VWC2L: variants seen among roughly 807,000 people sequenced by gnomAD.
VWC2L encodes the protein von Willebrand factor C domain-containing protein 2-like.
A neutral mutation model predicts 21.6 loss-of-function variants in VWC2L; 10 were observed. The ratio of observed to expected loss-of-function variants is 0.46; its 90% CI spans 0.29 to 0.78. The LOEUF (loss-of-function observed/expected upper bound fraction) is 0.78. Ranked by LOEUF, VWC2L falls within the 30% of genes least tolerant of loss-of-function variation. The pLI is 0.10. For missense variants in VWC2L, 209 were observed against 277.1 expected (o/e 0.75, Z 1.74); for synonymous variants, 96 against 94.3 (o/e 1.02, Z -0.10).
At chr2:214,479,824 G>A (rs192008655) in intron 3 of VWC2L, among the ~76,000 whole-genome samples, 62 of 152,262 alleles carry the variant, frequency 4.1e-4, no homozygotes, top group African/African-American at 1.4e-3. Context: ...AGAGCAAGAA[G>A]AAAGAACATT....
At chr2:214,477,750 T>C (rs947333303) in intron 3 of VWC2L, among the ~76,000 whole-genome samples, 1 of 152,258 alleles carries the variant, frequency 6.6e-6, no homozygotes, top group Non-Finnish European at 1.5e-5. Flanking sequence ...TTATGCTGAA[T>C]ATATTATACA....
chr2:214,414,301 G>T lies in VWC2L; in HGVS notation c.108G>T (p.Gln36His). ...ACTATCCTGCTGATGAAGGTGACCAGATCTCCAGTAATGACAATCTGATCT... is the reference window on the plus strand; with the variant it reads ...ACTATCCTGCTGATGAAGGTGACCATATCTCCAGTAATGACAATCTGATCT... Reference protein sequence around the residue: ...HEDYPADEGDQISSNDNLIFD... With the variant: ...HEDYPADEGDHISSNDNLIFD... The change falls in exon 2 of 4, where the codon CAG becomes CAT. Residue 36 changes from glutamine to histidine, a missense_variant. By Grantham distance (24) the Gln-to-His change is conservative. Coordinates refer to ENST00000312504, the MANE Select transcript of VWC2L (RefSeq NM_001080500.4). The T allele has an allele frequency of 6.2e-7, 1 of 1,613,872 alleles. No individual in the cohort carries two copies. The highest frequency in any genetic ancestry group is 2.2e-5 in the East Asian group (1 of 44,872).
chr2:214,558,755 G>C (rs1273983609), intron 3 of VWC2L, among the ~76,000 whole-genome samples: 1 of 150,816 alleles, frequency 6.6e-6, no homozygotes, highest in East Asian at 1.9e-4. Flanking sequence ...AAAGTAAATT[G>C]GTTATGTCGT....
chr2:214,521,714 A>G (rs1689243562), intron 3 of VWC2L, among the ~76,000 whole-genome samples: 2 of 152,238 alleles, frequency 1.3e-5, no homozygotes, highest in Admixed American at 1.3e-4. Flanking sequence ...CAGCATCATT[A>G]ACTGGAGTAA....
At position 214,576,880 on chromosome 2, in the gene VWC2L, C is replaced by G. The variant is rs1471882207; in HGVS notation, c.*1060C>G. ...TGTCTGAAACACAGATTCAGGACACCCTTTCCACCTCAAGTGCTGATTTAA... is the reference window on the plus strand; with the variant it reads ...TGTCTGAAACACAGATTCAGGACACGCTTTCCACCTCAAGTGCTGATTTAA... On this transcript the variant is annotated 3_prime_UTR_variant, in exon 4 of 4. Transcript: ENST00000312504. The G allele has an allele frequency of 6.9e-6, 1 of 145,976 alleles. No individual in the cohort carries two copies. The highest frequency in any genetic ancestry group is 1.5e-5 in the Non-Finnish European group (1 of 67,242). The allele number at this position is 145,976 out of a possible 1,614,324, so 9.0% of individuals were successfully genotyped here.
At chr2:214,447,520 G>A (rs2126183203) in intron 3 of VWC2L, among the ~76,000 whole-genome samples, 1 of 152,166 alleles carries the variant, frequency 6.6e-6, no homozygotes, top group East Asian at 1.9e-4. Flanking sequence ...AGCTTTTCAG[G>A]GAGTTGGAAT....
rs190673935 is a variant in VWC2L, at chr2:214,504,658, G to A, written c.520+67900G>A. Among the ~76,000 whole-genome samples, 3 of 152,294 alleles carry A rather than the reference G, an allele frequency of 2.0e-5. No homozygotes were observed. In the East Asian group the frequency reaches 5.8e-4, roughly 29 times the overall value. On this transcript the variant is annotated intron_variant, in intron 3 of 3. Transcript: ENST00000312504. ...TGTCTTCCCTAGGAAAGCCCATGAC[G>A]TGGCCCGCAGCATGAACTGGCATTA...
At chr2:214,513,512 C>A (rs76527888) in intron 3 of VWC2L, among the ~76,000 whole-genome samples, 4,155 of 152,120 alleles carry the variant, frequency 0.027, 222 homozygotes, top group African/African-American at 0.093. Flanking sequence ...TGCAAACATT[C>A]GTAACGTGGC....
At chr2:214,474,165 G>T (rs2126194302) in intron 3 of VWC2L, among the ~76,000 whole-genome samples, 1 of 151,696 alleles carries the variant, frequency 6.6e-6, no homozygotes, top group South Asian at 2.1e-4. Context: ...GAAAAAAAAA[G>T]GAAGAAAATA....
intron 3 of VWC2L, among the ~76,000 whole-genome samples, chr2:214,538,648 GTATATATAAAATA>G (rs1689578544): frequency 7.1e-6 from 1 of 141,300 alleles, no homozygotes; most frequent in Admixed American, 7.3e-5. Context: ...GTACATTATA[GTATATATAAAATA>G]TATAATTTAG....
intron 2 of VWC2L, among the ~76,000 whole-genome samples, chr2:214,432,952 G>A (rs989902878): frequency 1.3e-5 from 2 of 151,408 alleles, no homozygotes; most frequent in Non-Finnish European, 2.9e-5. Flanking sequence ...AACCCAGGAG[G>A]CAGAGGTTGC....
rs190346438 is a variant in VWC2L, at chr2:214,561,855, T to G, written c.521-13817T>G. Among the ~76,000 whole-genome samples, 689 of 149,328 alleles carry G rather than the reference T, an allele frequency of 4.6e-3. 5 individuals carry two copies. The highest frequency in any genetic ancestry group is 8.3e-3 in the Admixed American group (125 of 14,976). On this transcript the variant is annotated intron_variant, in intron 3 of 3. Transcript: ENST00000312504. Reference sequence around the variant, plus strand: ...ATATATATAATTTTTCATATAATTTTATGTATATATCTAAATTTAATATAT... The same window carrying G: ...ATATATATAATTTTTCATATAATTTGATGTATATATCTAAATTTAATATAT...
intron 3 of VWC2L, among the ~76,000 whole-genome samples, chr2:214,472,785 A>T (rs1703329062): frequency 6.6e-6 from 1 of 152,198 alleles, no homozygotes; most frequent in Admixed American, 6.5e-5. Context: ...TTTGTTTAGA[A>T]ATTAGAGCCA....
At chr2:214,478,779 C>T (rs563982261) in intron 3 of VWC2L, among the ~76,000 whole-genome samples, 7 of 152,284 alleles carry the variant, frequency 4.6e-5, no homozygotes, top group South Asian at 4.1e-4. Context: ...CAGCAGCTGT[C>T]GTGGTTCTGC....
At chr2:214,522,208 T>C (rs1221453836) in intron 3 of VWC2L, among the ~76,000 whole-genome samples, 2 of 151,906 alleles carry the variant, frequency 1.3e-5, no homozygotes, top group South Asian at 2.1e-4. Flanking sequence ...ACCCCGTCTC[T>C]ACTAAAAATA....
intron 2 of VWC2L, among the ~76,000 whole-genome samples, chr2:214,424,417 C>T (rs1702492096): frequency 6.6e-6 from 1 of 152,138 alleles, no homozygotes; most frequent in Admixed American, 6.5e-5. Flanking sequence ...CAGCTGAGAG[C>T]TCAAAAGTGT....
chr2:214,573,687 C>A (rs1236317152), intron 3 of VWC2L, among the ~76,000 whole-genome samples: 5 of 152,156 alleles, frequency 3.3e-5, no homozygotes, highest in South Asian at 2.1e-4. Flanking sequence ...GTTCTGAGTC[C>A]AGAACAAATT....
intron 3 of VWC2L, among the ~76,000 whole-genome samples, chr2:214,530,790 C>T (rs778225593): frequency 2.2e-4 from 33 of 152,064 alleles, no homozygotes; most frequent in Non-Finnish European, 3.8e-4. Flanking sequence ...AAATTTATGC[C>T]CACTCATAAG....
rs545510130 is a variant in VWC2L at position 214,560,078 on chromosome 2, AT to A, written c.521-15590del. Among the ~76,000 whole-genome samples the A allele has an allele frequency of 6.2e-3, 950 of 152,284 alleles. 6 individuals carry two copies. The highest frequency in any genetic ancestry group is 0.01 in the Non-Finnish European group (708 of 68,016). Reference sequence around the variant, plus strand: ...TTAAAACAAACTAGCCTCATTATACATTTTGTGGACTCTTATTTATACTGAT... The same window carrying A: ...TTAAAACAAACTAGCCTCATTATACATTTGTGGACTCTTATTTATACTGAT... On this transcript the variant is annotated intron_variant, in intron 3 of 3. Transcript: ENST00000312504.
Sources: allele counts gnomAD v4.1 joint callset (sites outside exome capture counted in the v4.1 genomes callset), GRCh38; gene constraint gnomAD v4.1.1; transcripts MANE v1.5; gene names NCBI Gene and HGNC (gene_info 2026-07-23, HGNC 2026-07-21).